PALS1: variants seen among roughly 807,000 people sequenced by gnomAD.
PALS1 encodes protein associated with LIN7 1, MAGUK p55 family member.
A neutral mutation model predicts 78.9 loss-of-function variants in PALS1; 31 were observed. That is an observed-to-expected ratio of 0.39 (90% CI 0.30 to 0.53). The LOEUF (loss-of-function observed/expected upper bound fraction) is 0.53. Ranked by LOEUF, PALS1 falls within the 20% of genes least tolerant of loss-of-function variation. PALS1 has a pLI of 0.67. For synonymous variants in PALS1, 276 were observed against 270.9 expected (o/e 1.02, Z -0.18); for missense variants, 704 against 826.5 (o/e 0.85, Z 1.82).
At chr14:67,327,001 C>T (rs977907808) in intron 14 of PALS1, among the ~76,000 whole-genome samples, 1 of 151,896 alleles carries the variant, frequency 6.6e-6, no homozygotes, top group African/African-American at 2.4e-5. Flanking sequence ...ATAGTGAAAC[C>T]CCGTCTCTAC....
chr14:67,257,772 T>G (rs2084169482), intron 1 of PALS1, among the ~76,000 whole-genome samples: 1 of 152,136 alleles, frequency 6.6e-6, no homozygotes, highest in South Asian at 2.1e-4. Context: ...AGAACTCAGG[T>G]AGAGGAGGTG....
chr14:67,323,653 G>C, intron 13 of PALS1, 49 bp from the exon 14 acceptor site: 1 of 679,696 alleles, frequency 1.5e-6, no homozygotes, highest in Non-Finnish European at 2.4e-6. Context: ...TTATTAGGAA[G>C]TAATTAAATG....
At position 67,301,954 on chromosome 14, in the gene PALS1, T is replaced by C. The variant is rs1265357153; in HGVS notation, c.655-18T>C. On this transcript the variant is annotated intron_variant, in intron 5 of 14. Coordinates refer to ENST00000261681, the MANE Select transcript of PALS1 (RefSeq NM_022474.4). Reference sequence around the variant, plus strand: ...AATCATGCTGTTACTTAAAATGCCATGGATTTCTTTGAAACAGGCACTTTT... The same window carrying C: ...AATCATGCTGTTACTTAAAATGCCACGGATTTCTTTGAAACAGGCACTTTT... 1.9e-6 allele frequency: 3 copies of C among 1,583,312 alleles called. No homozygotes were observed. The highest frequency in any genetic ancestry group is 1.2e-5 in the South Asian group (1 of 85,494).
chr14:67,331,346 T>C (rs543313212), intron 14 of PALS1, among the ~76,000 whole-genome samples: 105 of 152,254 alleles, frequency 6.9e-4, no homozygotes, highest in Non-Finnish European at 1.1e-3. Context: ...TGCGCTGGTA[T>C]TGGTATTTCT....
At chr14:67,288,010 T>C (rs2084716453) in intron 3 of PALS1, among the ~76,000 whole-genome samples, 1 of 152,146 alleles carries the variant, frequency 6.6e-6, no homozygotes, top group Non-Finnish European at 1.5e-5. Context: ...TGGCTGCTTG[T>C]TGATTTCAGT....
rs189444040 is a variant in PALS1 at position 67,333,927 on chromosome 14, C to G, written c.*971C>G. ...AGCACAGTATCCTATGACTGTGCTA[C>G]GTATATATAGGTAATAAACTGGAAT... On this transcript the variant is annotated 3_prime_UTR_variant, in exon 15 of 15. Transcript: ENST00000261681. The G allele has an allele frequency of 6.6e-6, 1 of 152,366 alleles. No homozygotes were observed. The highest frequency in any genetic ancestry group is 1.5e-5 in the Non-Finnish European group (1 of 67,968). The allele number at this position is 152,366 out of a possible 1,614,324, so 9.4% of individuals were successfully genotyped here.
chr14:67,263,862 C>T (rs190609062), intron 1 of PALS1, among the ~76,000 whole-genome samples: 1 of 152,306 alleles, frequency 6.6e-6, no homozygotes, highest in African/African-American at 2.4e-5. Context: ...TTGTTCTGCT[C>T]TTGTCCTCTG....
intron 4 of PALS1, among the ~76,000 whole-genome samples, chr14:67,299,898 T>C (rs958252130): frequency 1.3e-5 from 2 of 152,192 alleles, no homozygotes; most frequent in Admixed American, 6.5e-5. Context: ...ATCCTCAGAG[T>C]TTCTTCAGCT....
intron 1 of PALS1, among the ~76,000 whole-genome samples, chr14:67,265,902 A>G (rs890025554): frequency 1.3e-5 from 2 of 151,748 alleles, no homozygotes. Context: ...AACCCAGGAC[A>G]TTTGCACTTG....
chr14:67,281,055 C>T (rs2084603174), intron 3 of PALS1, among the ~76,000 whole-genome samples: 1 of 151,796 alleles, frequency 6.6e-6, no homozygotes, highest in African/African-American at 2.4e-5. Context: ...TGTGCCACCA[C>T]ACCTGGCTAA....
intron 2 of PALS1, among the ~76,000 whole-genome samples, chr14:67,273,743 T>C (rs1030320200): frequency 6.6e-6 from 1 of 152,226 alleles, no homozygotes; most frequent in African/African-American, 2.4e-5. Flanking sequence ...CCAGCAACAG[T>C]GTAAAAGTGT....
rs537409556 is a variant in PALS1, at chr14:67,326,666, T to C, written c.1851+2854T>C. On this transcript the variant is annotated intron_variant, in intron 14 of 14. Transcript: ENST00000261681. ...TTCTTTCTGGCAACCACTAATCTGC[T>C]TTCTGTCACTATAGATTTGTTTGAT... Among the ~76,000 whole-genome samples, 12 of 152,288 alleles carry C rather than the reference T, an allele frequency of 7.9e-5. No individual in the cohort carries two copies. The South Asian group carries it at 2.1e-3, about 26-fold the overall frequency.
chr14:67,332,962 A>G lies in PALS1; in HGVS notation c.*6A>G. On this transcript the variant is annotated 3_prime_UTR_variant, in exon 15 of 15. Coordinates refer to ENST00000261681, the MANE Select transcript of PALS1 (RefSeq NM_022474.4). ...CATCCACTTGGCTGAGGTGAAAGAA[A>G]CATCCATTCTGTGGCATGTTGGACT... 6.3e-7 allele frequency: 1 copy of G among 1,598,248 alleles called. No individual in the cohort carries two copies. The highest frequency in any genetic ancestry group is 1.7e-5 in the Admixed American group (1 of 59,418).
intron 1 of PALS1, among the ~76,000 whole-genome samples, chr14:67,267,753 G>C (rs562799711): frequency 2.6e-4 from 39 of 152,218 alleles, no homozygotes; most frequent in African/African-American, 8.9e-4. Context: ...TTTTCAGTCA[G>C]AATCTGTTTC....
chr14:67,270,755 TC>T (rs1374812052), intron 2 of PALS1: 1 of 152,200 alleles, frequency 6.6e-6, no homozygotes, highest in African/African-American at 2.4e-5. Context: ...GTATAATGTT[TC>T]TTTAATTCTG....
chr14:67,275,361 G>A (rs2084485608), intron 2 of PALS1, among the ~76,000 whole-genome samples: 2 of 152,150 alleles, frequency 1.3e-5, no homozygotes, highest in Non-Finnish European at 2.9e-5. Flanking sequence ...GGCCTTTTCT[G>A]CATCTATTGA....
At chr14:67,249,741 A>G (rs2084039356) in intron 1 of PALS1, among the ~76,000 whole-genome samples, 1 of 152,224 alleles carries the variant, frequency 6.6e-6, no homozygotes. Context: ...ATATTTTGAG[A>G]GTTTTACATT....
At chr14:67,331,385 G>A (rs1246716432) in intron 14 of PALS1, among the ~76,000 whole-genome samples, 1 of 152,066 alleles carries the variant, frequency 6.6e-6, no homozygotes, top group African/African-American at 2.4e-5. Context: ...AATGATAGAA[G>A]TGCTGAAGTA....
At chr14:67,263,844 T>A (rs2084273692) in intron 1 of PALS1, among the ~76,000 whole-genome samples, 1 of 151,992 alleles carries the variant, frequency 6.6e-6, no homozygotes, top group African/African-American at 2.4e-5. Flanking sequence ...ACTCAACCAT[T>A]TAAATAATTG....
Sources: gnomAD v4.1 joint callset for allele counts (sites outside exome capture counted in the v4.1 genomes callset) on GRCh38, gnomAD v4.1.1 for gene constraint, MANE v1.5 for transcripts, NCBI Gene and HGNC (gene_info 2026-07-23, HGNC 2026-07-21) for gene names.